Variants in THSD1 observed in about 807,000 individuals in gnomAD.
The protein encoded by THSD1 is thrombospondin type 1 domain containing 1.
In THSD1, 34 loss-of-function variants were observed where a neutral mutation model predicts 46.3. The observed-to-expected ratio is 0.74, with a 90% CI of 0.56 to 0.98. The LOEUF is 0.98. THSD1 is among the 50% of genes least tolerant of loss of function. THSD1 has a pLI of 0.00. For missense variants in THSD1, 1,023 were observed against 1,058.3 expected, an observed-to-expected ratio of 0.97 and a Z score of 0.46; for synonymous variants, 407 against 416.5, an observed-to-expected ratio of 0.98 and a Z score of 0.28.
intron 3 of THSD1, among the ~76,000 whole-genome samples, chr13:52,387,445 G>T (rs1285168706): frequency 1.3e-5 from 2 of 151,904 alleles, no homozygotes; most frequent in Admixed American, 1.3e-4. Context: ...GGCACAAAAA[G>T]CAAGGAAAAA....
At chr13:52,379,641 AT>A (rs1173455298) in intron 4 of THSD1, among the ~76,000 whole-genome samples, 2 of 151,926 alleles carry the variant, frequency 1.3e-5, no homozygotes, top group Non-Finnish European at 2.9e-5. Flanking sequence ...CCCCTGGCTC[AT>A]TTTTTAATTT....
chr13:52,396,471 G>A lies in THSD1; in HGVS notation c.1021+761C>T, dbSNP rs972476410. On this transcript the variant is annotated intron_variant, in intron 3 of 4. Coordinates refer to ENST00000258613, the MANE Select transcript of THSD1 (RefSeq NM_018676.4). ...CGGGAGGCAGAGCTTGCAGTGAGCC[G>A]AGATCGCGCCACTGCACTCCATCCA... is the stretch of plus-strand genomic sequence containing the variant. Among the ~76,000 whole-genome samples, 5 of 152,112 alleles carry A rather than the reference G, an allele frequency of 3.3e-5. No individual in the cohort carries two copies. The South Asian group carries it at 1.0e-3, about 32-fold the overall frequency.
chr13:52,384,169 A>AGC (rs1389538696), intron 4 of THSD1: 1 of 330,624 alleles, frequency 3.0e-6, no homozygotes, highest in Non-Finnish European at 5.9e-6. Context: ...GGGCAACAAG[A>AGC]GCGAAACTCC....
intron 2 of THSD1, among the ~76,000 whole-genome samples, chr13:52,399,358 A>G (rs986245831): frequency 5.9e-5 from 9 of 152,212 alleles, no homozygotes; most frequent in African/African-American, 2.2e-4. Context: ...TGGCTAGGGT[A>G]AGAAACAGTT....
intron 4 of THSD1, among the ~76,000 whole-genome samples, chr13:52,383,473 G>A (rs529524565): frequency 1.3e-5 from 2 of 152,218 alleles, no homozygotes; most frequent in Non-Finnish European, 2.9e-5. Context: ...AATGATGAAA[G>A]GCTTGTTCCC....
chr13:52,377,917 T>C lies in THSD1; in HGVS notation c.2053A>G (p.Thr685Ala), dbSNP rs1203329925. The C allele has an allele frequency of 1.9e-6, 3 of 1,614,024 alleles. No individual in the cohort carries two copies. The Admixed American group carries it at 5.0e-5, about 27-fold the overall frequency. ...TCCTCTGCCTGCTCGCAGGTCCGCG[T>C]CCTAGAGCTGTAGGCAGGGGCCTGC... ...PRQAPAYSSRTRTCEQAEDRF... is the reference protein window; with the variant it reads ...PRQAPAYSSRARTCEQAEDRF... Residue 685 changes from threonine (T) to alanine (A), a missense_variant, in exon 5 of 5, where the codon ACG (threonine) becomes GCG (alanine). Thr to Ala is a moderately conservative substitution (Grantham distance 58). This residue lies in a region of THSD1 where 578 missense variants were observed against 497.4 expected (regional missense o/e 1.16). Coordinates refer to ENST00000258613, the MANE Select transcript of THSD1 (RefSeq NM_018676.4).
At chr13:52,387,833 A>G (rs1049896406) in intron 3 of THSD1, among the ~76,000 whole-genome samples, 1 of 152,200 alleles carries the variant, frequency 6.6e-6, no homozygotes, top group Non-Finnish European at 1.5e-5. Context: ...CTGTGGGGCA[A>G]TATCAGACTC....
chr13:52,386,807 C>T lies in THSD1; in HGVS notation c.1022-621G>A, dbSNP rs117031663. Among the ~76,000 whole-genome samples, 465 of 152,274 alleles carry T rather than the reference C, an allele frequency of 3.1e-3. 2 individuals are homozygous for T. Among genetic ancestry groups the T allele is most frequent in the Non-Finnish European group, 5.7e-3 (388 of 68,020 alleles). ...TCCTCTACTGAATAAAAGCTTCAAC[C>T]ACTTGGGGAAAGGCCTCAAACCCTA... is the stretch of plus-strand genomic sequence containing the variant. On this transcript the variant is annotated intron_variant, in intron 3 of 4. Coordinates refer to ENST00000258613, the MANE Select transcript of THSD1 (RefSeq NM_018676.4).
At chr13:52,383,642 C>T (rs1413651233) in intron 4 of THSD1, among the ~76,000 whole-genome samples, 1 of 152,200 alleles carries the variant, frequency 6.6e-6, no homozygotes, top group Non-Finnish European at 1.5e-5. Context: ...AGCTGCTGGC[C>T]TCGCCCATCT....
At chr13:52,389,875 G>A (rs1957760426) in intron 3 of THSD1, among the ~76,000 whole-genome samples, 2 of 151,676 alleles carry the variant, frequency 1.3e-5, no homozygotes, top group Admixed American at 6.6e-5. Flanking sequence ...ATGGTGGTGC[G>A]CTCCTGTAAA....
intron 4 of THSD1, among the ~76,000 whole-genome samples, chr13:52,382,060 T>C (rs967977293): frequency 2.0e-5 from 3 of 152,238 alleles, no homozygotes; most frequent in Non-Finnish European, 2.9e-5. Flanking sequence ...CATTCACTTA[T>C]GTAATTTAGA....
At chr13:52,391,548 A>G (rs1426991375) in intron 3 of THSD1, among the ~76,000 whole-genome samples, 1 of 145,830 alleles carries the variant, frequency 6.9e-6, no homozygotes. Context: ...TTTTACATAT[A>G]TATATATATT....
chr13:52,380,819 T>C (rs749269942), intron 4 of THSD1, among the ~76,000 whole-genome samples: 4 of 152,078 alleles, frequency 2.6e-5, no homozygotes, highest in Non-Finnish European at 5.9e-5. Flanking sequence ...TTCACCTCCA[T>C]AAAAAACTTC....
At position 52,397,470 on chromosome 13, in the gene THSD1, C is replaced by A. The variant is rs1242956616; in HGVS notation, c.783G>T (p.Leu261=). ...TCESGVEVTV[L]PPPCTFVQGV... ...CTTGGACGAAGGTGCATGGTGGAGG[C>A]AGCACTGTCACCTCTACCCCGGACT... The change falls in exon 3 of 5, where the codon CTG becomes CTT. Residue 261 remains leucine, a synonymous_variant. Coordinates refer to ENST00000258613, the MANE Select transcript of THSD1 (RefSeq NM_018676.4). 6.2e-7 allele frequency: 1 copy of A among 1,614,120 alleles called. No individual in the cohort carries two copies. Among genetic ancestry groups the A allele is most frequent in the African/African-American group, 1.3e-5 (1 of 75,020 alleles).
rs142857018 is a variant in THSD1, at chr13:52,394,352, G to A, written c.1021+2880C>T. Among the ~76,000 whole-genome samples the A allele has an allele frequency of 4.0e-3, 612 of 152,232 alleles. 2 individuals carry two copies. Among genetic ancestry groups the A allele is most frequent in the African/African-American group, 0.013 (555 of 41,540 alleles). On this transcript the variant is annotated intron_variant, in intron 3 of 4. Coordinates refer to ENST00000258613, the MANE Select transcript of THSD1 (RefSeq NM_018676.4). ...TATTGGGCCAGGCACGGTGGCTCAT[G>A]CCTGTAATCCCAGCACTTTGGGAGG...
intron 3 of THSD1, among the ~76,000 whole-genome samples, chr13:52,388,600 C>T (rs1390326985): frequency 1.3e-5 from 2 of 152,162 alleles, no homozygotes; most frequent in African/African-American, 2.4e-5. Context: ...CTACCTCAGC[C>T]TCCCGAGTAG....
At chr13:52,387,537 A>C (rs1957741792) in intron 3 of THSD1, among the ~76,000 whole-genome samples, 1 of 152,260 alleles carries the variant, frequency 6.6e-6, no homozygotes. Flanking sequence ...TCAGAGAGAG[A>C]ATGTAAAATA....
chr13:52,404,940 C>T (rs2137753934), intron 1 of THSD1, among the ~76,000 whole-genome samples: 1 of 152,326 alleles, frequency 6.6e-6, no homozygotes, highest in Non-Finnish European at 1.5e-5. Context: ...GACCAGCCTA[C>T]TTGTCAATCA....
At chr13:52,400,324 A>T (rs1957846191) in intron 2 of THSD1, among the ~76,000 whole-genome samples, 1 of 152,136 alleles carries the variant, frequency 6.6e-6, no homozygotes, top group South Asian at 2.1e-4. Flanking sequence ...TGGGCCAGGC[A>T]CGGTGGCTCA....
Sources: gnomAD v4.1 joint callset for allele counts (sites outside exome capture counted in the v4.1 genomes callset) on GRCh38, gnomAD v4.1.1 for gene constraint, gnomAD v4.1.1 regional missense constraint, MANE v1.5 for transcripts, NCBI Gene and HGNC (gene_info 2026-07-23, HGNC 2026-07-21) for gene names.